The following ZNF579 variants were observed in gnomAD, a reference collection of about 807,000 sequenced individuals.
ZNF579 encodes zinc finger protein 579.
ZNF579 carries 3 observed loss-of-function variants against 5.7 expected under a neutral mutation model. The ratio of observed to expected loss-of-function variants is 0.53; its 90% CI spans 0.24 to 1.36. The LOEUF (loss-of-function observed/expected upper bound fraction) is 1.36. ZNF579 is among the 40% of genes most tolerant of loss of function. The pLI is 0.16. For synonymous variants in ZNF579, 454 were observed against 409.0 expected, an observed-to-expected ratio of 1.11 and a Z score of -1.33; for missense variants, 679 against 877.6, an observed-to-expected ratio of 0.77 and a Z score of 2.86.
chr19:55,577,833 T>G lies in ZNF579; in HGVS notation c.*118A>C. The G allele has an allele frequency of 6.7e-7, 1 of 1,485,628 alleles. No homozygotes were observed. 92.0% of individuals were successfully genotyped at this position (1,485,628 alleles called of 1,614,324 possible). A position where few individuals can be genotyped will look rare whatever the true frequency, so the allele number is the denominator to read the frequency against. ...CAGTCCAGGGCCCCCCACTCCTTAG[T>G]GTCAAGGGCGTGAAGGGGACGGGTG... is the stretch of plus-strand genomic sequence containing the variant. On this transcript the variant is annotated 3_prime_UTR_variant, in exon 2 of 2. Transcript: ENST00000325421.
intron 1 of ZNF579, 52 bp from the exon 2 acceptor site, chr19:55,579,693 G>C: frequency 1.5e-6 from 2 of 1,364,534 alleles, no homozygotes; most frequent in African/African-American, 3.1e-5. Context: ...AAAAAGAGGT[G>C]CGTGGGGTGT....
Position 55,577,657 on chromosome 19 carries a change from G to A in ZNF579, c.*294C>T, listed in dbSNP as rs1979419612. 1 of 482,364 alleles carries A rather than the reference G, an allele frequency of 2.1e-6. No individual in the cohort carries two copies. Among genetic ancestry groups the A allele is most frequent in the Non-Finnish European group, 3.7e-6 (1 of 269,302 alleles). The allele number at this position is 482,364 out of a possible 1,614,324, so 29.9% of individuals were successfully genotyped here. Reference sequence around the variant, plus strand: ...TCCAGTGTGTGAAACGGGGGACAGGGAGGCGGGGGCGTCCCCACCAGTCTC... The same window carrying A: ...TCCAGTGTGTGAAACGGGGGACAGGAAGGCGGGGGCGTCCCCACCAGTCTC... On this transcript the variant is annotated 3_prime_UTR_variant, in exon 2 of 2. Transcript: ENST00000325421.
Position 55,578,888 on chromosome 19 carries a change from A to C in ZNF579, c.752T>G (p.Leu251Arg), listed in dbSNP as rs1267047170. The change falls in exon 2 of 2, where the codon CTG becomes CGG. Residue 251 changes from leucine (L) to arginine (R), a missense_variant. By Grantham distance (102) the Leu-to-Arg change is moderately radical. Coordinates refer to ENST00000325421, the MANE Select transcript of ZNF579 (RefSeq NM_152600.3). The part of the protein sequence containing the change: ...TKGELKAHPC[L>R]RPEGEQEGEG... ...CCCTTCCTGTTCGCCCTCGGGGCGC[A>C]GACACGGGTGCGCCTTGAGCTCGCC... is the stretch of plus-strand genomic sequence containing the variant. 6.3e-7 allele frequency: 1 copy of C among 1,594,362 alleles called. No homozygotes were observed. The highest frequency in any genetic ancestry group is 8.5e-7 in the Non-Finnish European group (1 of 1,171,152).
Position 55,578,411 on chromosome 19 carries a change from C to T in ZNF579, c.1229G>A (p.Arg410His). ...CTGGCAGCGCACGCACTGGAAGGGG[C>T]GCGCTCCCGAGTGGGTCACCCCGTG... ...RQHGVTHSGA[R>H]PFQCVRCQRE... Residue 410 changes from arginine to histidine, a missense_variant, in exon 2 of 2, where the codon CGC (arginine) becomes CAC (histidine). Transcript: ENST00000325421. 1 of 1,480,374 alleles carries T rather than the reference C, an allele frequency of 6.8e-7. No homozygotes were observed. Among genetic ancestry groups the T allele is most frequent in the Admixed American group, 2.3e-5 (1 of 42,568 alleles). The allele number at this position is 1,480,374 out of a possible 1,614,324, so 91.7% of individuals were successfully genotyped here.
Position 55,578,231 on chromosome 19 carries a change from G to T in ZNF579, c.1409C>A (p.Ala470Asp). ...GGCCTGCAGTGCCTGCAGCGCGGCG[G>T]CCCTCTCCAGCTCTGCGCGGTGGCA... ...QRCHRAELERAAALQALQAQA... is the reference protein window; with the variant it reads ...QRCHRAELERDAALQALQAQA... The change falls in exon 2 of 2, where the codon GCC becomes GAC. Residue 470 changes from alanine (A) to aspartate (D), a missense_variant. Ala to Asp is a moderately radical substitution (Grantham distance 126). Around this residue, in one of 6 missense-constraint regions of ZNF579, gnomAD observed 68 missense variants for 154.2 expected, o/e 0.44. Transcript: ENST00000325421. The T allele has an allele frequency of 6.9e-7, 1 of 1,446,204 alleles. No individual in the cohort carries two copies. Among genetic ancestry groups the T allele is most frequent in the Non-Finnish European group, 9.0e-7 (1 of 1,107,182 alleles). The allele number at this position is 1,446,204 out of a possible 1,614,324, so 89.6% of individuals were successfully genotyped here. A position where few individuals can be genotyped will look rare whatever the true frequency, so the allele number is the denominator to read the frequency against.
Position 55,578,576 on chromosome 19 carries a change from G to A in ZNF579, c.1064C>T (p.Ala355Val). The A allele has an allele frequency of 2.1e-6, 3 of 1,448,024 alleles. No individual in the cohort carries two copies. Among genetic ancestry groups the A allele is most frequent in the Admixed American group, 2.7e-5 (1 of 37,524 alleles). The allele number at this position is 1,448,024 out of a possible 1,614,324, so 89.7% of individuals were successfully genotyped here. Reference sequence around the variant, plus strand: ...CCCTTCCGAGGCACCCCCGCACTCCGCCCCCTCGCCCCCCTCCGGCCCCTT... The same window carrying A: ...CCCTTCCGAGGCACCCCCGCACTCCACCCCCTCGCCCCCCTCCGGCCCCTT... ...SAKGPEGGEGAECGGASEGGE... is the reference protein window; with the variant it reads ...SAKGPEGGEGVECGGASEGGE... Residue 355 changes from alanine (A) to valine (V), a missense_variant, in exon 2 of 2, where the codon GCG (alanine) becomes GTG (valine). By Grantham distance (64) the Ala-to-Val change is moderately conservative. Transcript: ENST00000325421.
At position 55,578,921 on chromosome 19, in the gene ZNF579, G is replaced by T. The variant is rs1198116426; in HGVS notation, c.719C>A (p.Ala240Asp). ...GTGCGCCTTGAGCTCGCCCTTGGTG[G>T]CGAAGGCTTCGCGGCAGCGCAGACA... Reference protein sequence around the residue: ...LLCLRCREAFATKGELKAHPC... With the variant: ...LLCLRCREAFDTKGELKAHPC... The change falls in exon 2 of 2, where the codon GCC (alanine) becomes GAC (aspartate). Residue 240 changes from alanine to aspartate, a missense_variant. By Grantham distance (126) the Ala-to-Asp change is moderately radical. Around this residue, in one of 6 missense-constraint regions of ZNF579, gnomAD observed 209 missense variants for 223.4 expected, o/e 0.94. Coordinates refer to ENST00000325421, the MANE Select transcript of ZNF579 (RefSeq NM_152600.3). 9 of 1,581,022 alleles carry T rather than the reference G, an allele frequency of 5.7e-6. No homozygotes were observed. The Admixed American group carries it at 1.4e-4, about 25-fold the overall frequency.
In ZNF579 at chr19:55,578,267, C is replaced by A; in HGVS notation, c.1373G>T (p.Arg458Leu). 7.4e-7 allele frequency: 1 copy of A among 1,351,916 alleles called. No homozygotes were observed. The highest frequency in any genetic ancestry group is 9.4e-7 in the Non-Finnish European group (1 of 1,059,624). The allele number at this position is 1,351,916 out of a possible 1,614,324, so 83.7% of individuals were successfully genotyped here. Residue 458 changes from arginine (R) to leucine (L), a missense_variant, in exon 2 of 2, where the codon CGC becomes CTC. This residue lies in a region of ZNF579 where 68 missense variants were observed against 154.2 expected (regional missense o/e 0.44). Transcript: ENST00000325421. ...RRFSRAYSLL[R>L]HQRCHRAELE... ...CTCTGCGCGGTGGCAGCGCTGGTGG[C>A]GCAGGAGGCTGTAGGCGCGCGAGAA...
chr19:55,580,255 G>A (rs537442656), intron 1 of ZNF579, among the ~76,000 whole-genome samples: 2 of 152,168 alleles, frequency 1.3e-5, no homozygotes, highest in South Asian at 4.1e-4. Context: ...GGCCTGAGTG[G>A]AGGGGGTGGG....
Position 55,579,064 on chromosome 19 carries a change from C to A in ZNF579, c.576G>T (p.Arg192=). 6.5e-7 allele frequency: 1 copy of A among 1,530,026 alleles called. No homozygotes were observed. 94.8% of individuals were successfully genotyped at this position (1,530,026 alleles called of 1,614,324 possible). A position where few individuals can be genotyped will look rare whatever the true frequency, so the allele number is the denominator to read the frequency against. ...LAAPTSAAEP[R]ESESEEAEAG... is the part of the protein sequence containing the mutation. ...CCTCGGCCTCCTCCGACTCCGACTCCCGGGGCTCCGCGGCGCTGGTGGGCG... is the reference window on the plus strand; with the variant it reads ...CCTCGGCCTCCTCCGACTCCGACTCACGGGGCTCCGCGGCGCTGGTGGGCG... Residue 192 remains arginine (R), a synonymous_variant, in exon 2 of 2, where the codon CGG becomes CGT. Coordinates refer to ENST00000325421, the MANE Select transcript of ZNF579 (RefSeq NM_152600.3).
In ZNF579 at chr19:55,578,161, G is replaced by A. The variant is rs767275092; in HGVS notation, c.1479C>T (p.Ala493=). 4 of 1,512,762 alleles carry A rather than the reference G, an allele frequency of 2.6e-6. No homozygotes were observed. Among genetic ancestry groups the A allele is most frequent in the Non-Finnish European group, 3.5e-6 (4 of 1,130,360 alleles). 93.7% of individuals were successfully genotyped at this position (1,512,762 alleles called of 1,614,324 possible). A position where few individuals can be genotyped will look rare whatever the true frequency, so the allele number is the denominator to read the frequency against. The part of the protein sequence containing the change: ...SPPPPPPPLK[A]EQEEEGLPLP... Reference sequence around the variant, plus strand: ...GCGGGAGCCCTTCTTCCTCCTGCTCGGCCTTCAGGGGCGGCGGGGGCGGTG... The same window carrying A: ...GCGGGAGCCCTTCTTCCTCCTGCTCAGCCTTCAGGGGCGGCGGGGGCGGTG... The change falls in exon 2 of 2, where the codon GCC becomes GCT. Residue 493 remains alanine, a synonymous_variant. Coordinates refer to ENST00000325421, the MANE Select transcript of ZNF579 (RefSeq NM_152600.3).
Position 55,578,189 on chromosome 19 carries a change from G to C in ZNF579, c.1451C>G (p.Pro484Arg). The C allele has an allele frequency of 6.7e-7, 1 of 1,489,364 alleles. No individual in the cohort carries two copies. The highest frequency in any genetic ancestry group is 2.5e-5 in the East Asian group (1 of 40,560). 92.3% of individuals were successfully genotyped at this position (1,489,364 alleles called of 1,614,324 possible). ...QALQAQAPTS[P>R]PPPPPPLKAE... ...CTTCAGGGGCGGCGGGGGCGGTGGC[G>C]GCGACGTCGGGGCCTGGGCCTGCAG... The change falls in exon 2 of 2, where the codon CCG becomes CGG. Residue 484 changes from proline to arginine, a missense_variant. By Grantham distance (103) the Pro-to-Arg change is moderately radical (BLOSUM62 -2). This residue lies in a region of ZNF579 where 116 missense variants were observed against 121.9 expected (regional missense o/e 0.95). Transcript: ENST00000325421.
chr19:55,577,597 C>A lies in ZNF579; in HGVS notation c.*354G>T. 2 of 330,574 alleles carry A rather than the reference C, an allele frequency of 6.1e-6. No individual in the cohort carries two copies. Among genetic ancestry groups the A allele is most frequent in the South Asian group, 3.5e-5 (1 of 28,728 alleles). The allele number at this position is 330,574 out of a possible 1,614,324, so 20.5% of individuals were successfully genotyped here. ...GGACAGACCTTTGCTCACTGGGGAC[C>A]CCCAGGGTCTGGCAGTTCCAAAGAG... On this transcript the variant is annotated 3_prime_UTR_variant, in exon 2 of 2. Coordinates refer to ENST00000325421, the MANE Select transcript of ZNF579 (RefSeq NM_152600.3).
Position 55,577,976 on chromosome 19 carries a change from C to T in ZNF579, c.1664G>A (p.Arg555His), listed in dbSNP as rs1301715970. 3.8e-6 allele frequency: 6 copies of T among 1,596,394 alleles called. No individual in the cohort carries two copies. The highest frequency in any genetic ancestry group is 5.1e-6 in the Non-Finnish European group (6 of 1,171,756). Reference sequence around the variant, plus strand: ...TCAGGAGGCCAGGCCCCCCAGCCCGCGCAGGTGAGCCTTGCTGTCTACCTC... The same window carrying T: ...TCAGGAGGCCAGGCCCCCCAGCCCGTGCAGGTGAGCCTTGCTGTCTACCTC... ...EEEVDSKAHL[R>H]GLGGLAS is the part of the protein sequence containing the mutation. The change falls in exon 2 of 2, where the codon CGC becomes CAC. Residue 555 changes from arginine to histidine, a missense_variant. By Grantham distance (29) the Arg-to-His change is conservative. Around this residue, in one of 6 missense-constraint regions of ZNF579, gnomAD observed 116 missense variants for 121.9 expected, o/e 0.95. Transcript: ENST00000325421.
intron 1 of ZNF579, 47 bp from the exon 2 acceptor site, chr19:55,579,688 G>C: frequency 7.2e-7 from 1 of 1,383,714 alleles, no homozygotes; most frequent in South Asian, 1.6e-5. Context: ...GAGATAAAAA[G>C]AGGTGCGTGG....
rs1418239780 is a variant in ZNF579, at chr19:55,579,514, C to T, written c.126G>A (p.Ala42=). ...RGRGGAGAPR[A]PLPCPTCGRL... is the part of the protein sequence containing the mutation. ...GGCCGCAGGTGGGGCAGGGCAGGGG[C>T]GCCCTAGGGGCTCCAGCGCCCCCCC... The change falls in exon 2 of 2, where the codon GCG becomes GCA. Residue 42 remains alanine (A), a synonymous_variant. Transcript: ENST00000325421. 2.1e-6 allele frequency: 3 copies of T among 1,401,214 alleles called. No individual in the cohort carries two copies. Among genetic ancestry groups the T allele is most frequent in the Non-Finnish European group, 2.8e-6 (3 of 1,083,924 alleles). 86.8% of individuals were successfully genotyped at this position (1,401,214 alleles called of 1,614,324 possible).
chr19:55,577,301 C>G lies in ZNF579; in HGVS notation c.*650G>C, dbSNP rs1284882526. ...TCCACAGGGCAGTGGTGAGGATAAT[C>G]GCGCGGAGCTTCCACAGGGCAGCGG... On this transcript the variant is annotated 3_prime_UTR_variant, in exon 2 of 2. Transcript: ENST00000325421. The G allele has an allele frequency of 1.3e-5, 2 of 156,790 alleles. No individual in the cohort carries two copies. 9.7% of individuals were successfully genotyped at this position (156,790 alleles called of 1,614,324 possible).
At chr19:55,579,762 GC>G in intron 1 of ZNF579, 121 bp from the exon 2 acceptor site, 1 of 1,131,794 alleles carries the variant, frequency 8.8e-7, no homozygotes, top group Non-Finnish European at 1.1e-6. Flanking sequence ...CAGGTATTTA[GC>G]CAGGAGAGAG....
rs1447391681 is a variant in ZNF579 at position 55,577,924 on chromosome 19, G to A, written c.*27C>T. 1.1e-5 allele frequency: 17 copies of A among 1,562,400 alleles called. No homozygotes were observed. The highest frequency in any genetic ancestry group is 1.4e-5 in the Non-Finnish European group (16 of 1,154,590). On this transcript the variant is annotated 3_prime_UTR_variant, in exon 2 of 2. Coordinates refer to ENST00000325421, the MANE Select transcript of ZNF579 (RefSeq NM_152600.3). ...TTCTGCAAACCGGGGAGCTCAGGCGGAGCGGCGGAGGGCAGGGCGGCGAAG... is the reference window on the plus strand; with the variant it reads ...TTCTGCAAACCGGGGAGCTCAGGCGAAGCGGCGGAGGGCAGGGCGGCGAAG...
Sources: allele counts gnomAD v4.1 joint callset (sites outside exome capture counted in the v4.1 genomes callset), GRCh38; gene constraint gnomAD v4.1.1; regional missense constraint gnomAD v4.1.1; transcripts MANE v1.5; gene names NCBI Gene and HGNC (gene_info 2026-07-23, HGNC 2026-07-21).